RBFOX1: variants seen among roughly 807,000 people sequenced by gnomAD.
RBFOX1 encodes RNA binding protein fox-1 homolog 1.
In RBFOX1, 8 loss-of-function variants were observed where a neutral mutation model predicts 57.7. The observed-to-expected ratio is 0.14, with a 90% CI of 0.08 to 0.25. The LOEUF (loss-of-function observed/expected upper bound fraction) is 0.25. Ranked by LOEUF, RBFOX1 falls within the 10% of genes least tolerant of loss-of-function variation. The pLI is 1.00. For synonymous variants in RBFOX1, 326 were observed against 222.4 expected (o/e 1.47, Z -4.15); for missense variants, 611 against 548.5 (o/e 1.11, Z -1.14).
At chr16:6,902,127 G>C (rs1204952158) in intron 3 of RBFOX1, among the ~76,000 whole-genome samples, 2 of 152,130 alleles carry the variant, frequency 1.3e-5, no homozygotes, top group Non-Finnish European at 2.9e-5. Context: ...GAAACCAGGA[G>C]TGCTGGAACT....
At chr16:7,435,099 G>A (rs921986286) in intron 4 of RBFOX1, among the ~76,000 whole-genome samples, 2 of 152,110 alleles carry the variant, frequency 1.3e-5, no homozygotes, top group Admixed American at 1.3e-4. Context: ...GTTAACTAAT[G>A]TCTACATTTT....
At chr16:6,589,377 G>A (rs1263029445) in intron 2 of RBFOX1, among the ~76,000 whole-genome samples, 1 of 152,168 alleles carries the variant, frequency 6.6e-6, no homozygotes, top group Non-Finnish European at 1.5e-5. Flanking sequence ...GAAAACCCAG[G>A]AACTGGGGTT....
At chr16:5,417,279 C>T (rs182850011) in intron 1 of RBFOX1, among the ~76,000 whole-genome samples, 9 of 152,162 alleles carry the variant, frequency 5.9e-5, no homozygotes, top group East Asian at 5.8e-4. Context: ...TCAATGTGTC[C>T]GAACGTAATT....
chr16:5,447,812 C>G (rs556164354), intron 1 of RBFOX1, among the ~76,000 whole-genome samples: 1 of 152,360 alleles, frequency 6.6e-6, no homozygotes, highest in South Asian at 2.1e-4. Context: ...TGCTCAGCCT[C>G]TTCTGTGCTT....
chr16:5,472,330 G>A (rs1039598219), intron 2 of RBFOX1, among the ~76,000 whole-genome samples: 1 of 152,032 alleles, frequency 6.6e-6, no homozygotes, highest in African/African-American at 2.4e-5. Context: ...ATGTGATCTC[G>A]TGTAATCCTC....
At chr16:5,389,134 T>G (rs937204302) in intron 1 of RBFOX1, among the ~76,000 whole-genome samples, 76 of 151,806 alleles carry the variant, frequency 5.0e-4, no homozygotes, top group African/African-American at 1.8e-3. Context: ...GAGCTTGCAG[T>G]GAGCCGAGAT....
At chr16:6,630,184 T>C (rs2098366466) in intron 2 of RBFOX1, among the ~76,000 whole-genome samples, 1 of 152,096 alleles carries the variant, frequency 6.6e-6, no homozygotes, top group Non-Finnish European at 1.5e-5. Flanking sequence ...ACTCATTGAA[T>C]GTATTATTCA....
At chr16:5,913,648 C>T (rs1200638413) in intron 4 of RBFOX1, among the ~76,000 whole-genome samples, 1 of 152,176 alleles carries the variant, frequency 6.6e-6, no homozygotes, top group African/African-American at 2.4e-5. Flanking sequence ...TTATACATTA[C>T]CCAGTCTCAG....
intron 3 of RBFOX1, among the ~76,000 whole-genome samples, chr16:6,853,087 T>C (rs1461476979): frequency 1.3e-5 from 2 of 152,156 alleles, no homozygotes; most frequent in African/African-American, 4.8e-5. Flanking sequence ...CTTCACACAG[T>C]TCTATCCCTC....
At chr16:7,414,567 TCTA>T (rs1216040836) in intron 4 of RBFOX1, among the ~76,000 whole-genome samples, 2 of 152,168 alleles carry the variant, frequency 1.3e-5, no homozygotes, top group East Asian at 3.9e-4. Flanking sequence ...TTGTTGAAGG[TCTA>T]CCATATCCCA....
chr16:7,586,480 A>G (rs965034869), intron 6 of RBFOX1, among the ~76,000 whole-genome samples: 1 of 152,230 alleles, frequency 6.6e-6, no homozygotes, highest in Admixed American at 6.5e-5. Context: ...TTGAAGTTCA[A>G]ATAAACCACA....
intron 2 of RBFOX1, among the ~76,000 whole-genome samples, chr16:6,526,035 A>C (rs1598901234): frequency 6.6e-6 from 1 of 152,188 alleles, no homozygotes; most frequent in East Asian, 1.9e-4. Flanking sequence ...GGAATTAAAC[A>C]CTTGGAAATG....
intron 1 of RBFOX1, among the ~76,000 whole-genome samples, chr16:5,374,031 C>A (rs988402054): frequency 8.5e-5 from 13 of 152,232 alleles, no homozygotes; most frequent in Non-Finnish European, 1.5e-4. Context: ...GATTCTCCTG[C>A]CTCACCCTCC....
intron 2 of RBFOX1, among the ~76,000 whole-genome samples, chr16:5,553,177 A>G (rs1362762735): frequency 6.6e-6 from 1 of 152,118 alleles, no homozygotes; most frequent in Non-Finnish European, 1.5e-5. Context: ...CAAATACCTA[A>G]TGTGAATGAT....
intron 3 of RBFOX1, among the ~76,000 whole-genome samples, chr16:6,887,131 A>T (rs540099036): frequency 6.6e-6 from 1 of 152,066 alleles, no homozygotes; most frequent in Non-Finnish European, 1.5e-5. Flanking sequence ...GTTCCTTTAC[A>T]TTGTTATTGT....
At chr16:7,271,494 G>C (rs561849207) in intron 4 of RBFOX1, among the ~76,000 whole-genome samples, 9 of 151,866 alleles carry the variant, frequency 5.9e-5, no homozygotes, top group African/African-American at 1.9e-4. Context: ...TCACTTGGTT[G>C]ATCTTGTATT....
chr16:7,044,857 C>G (rs1463961404), intron 3 of RBFOX1, among the ~76,000 whole-genome samples: 1 of 152,096 alleles, frequency 6.6e-6, no homozygotes, highest in African/African-American at 2.4e-5. Context: ...TTCCACCTCC[C>G]CTCTCCCCAC....
intron 4 of RBFOX1, among the ~76,000 whole-genome samples, chr16:7,308,512 C>T (rs2096244251): frequency 6.6e-6 from 1 of 152,094 alleles, no homozygotes; most frequent in Non-Finnish European, 1.5e-5. Flanking sequence ...AGAAAAGAGC[C>T]TCTAAAGTGG....
intron 1 of RBFOX1, among the ~76,000 whole-genome samples, chr16:6,298,223 C>G (rs1440126878): frequency 6.6e-6 from 1 of 152,186 alleles, no homozygotes; most frequent in Non-Finnish European, 1.5e-5. Flanking sequence ...ACACCCCTGT[C>G]TCATGTCCTG....
Sources: gnomAD v4.1 joint callset for allele counts (sites outside exome capture counted in the v4.1 genomes callset) on GRCh38, gnomAD v4.1.1 for gene constraint, MANE v1.5 for transcripts, NCBI Gene and HGNC (gene_info 2026-07-23, HGNC 2026-07-21) for gene names.